CASP8: variants seen among roughly 807,000 people sequenced by gnomAD.
CASP8 encodes caspase-8.
In CASP8, 24 loss-of-function variants were observed where a neutral mutation model predicts 46.3. The observed-to-expected ratio is 0.52, with a 90% confidence interval of 0.38 to 0.73. The LOEUF (loss-of-function observed/expected upper bound fraction) is 0.73. Among genes scored for constraint, CASP8 ranks in the 30% least tolerant of loss-of-function variants. The pLI is 0.00. For missense variants in CASP8, 460 were observed against 559.0 expected (o/e 0.82, Z 1.79); for synonymous variants, 188 against 200.4 (o/e 0.94, Z 0.52).
intron 7 of CASP8, among the ~76,000 whole-genome samples, chr2:201,278,560 A>G (rs1222160244): frequency 1.4e-4 from 21 of 148,576 alleles, no homozygotes; most frequent in Admixed American, 1.1e-3. Flanking sequence ...TTTTTGAGGC[A>G]GAGTCTCACT....
Position 201,266,760 on chromosome 2 carries a change from A to C in CASP8, c.274A>C (p.Thr92Pro). Residue 92 changes from threonine (T) to proline (P), a missense_variant, in exon 2 of 9, where the codon ACA becomes CCA. Physicochemically the swap from Thr to Pro is conservative, Grantham distance 38. Transcript: ENST00000673742. The surrounding 1 kb of genome is among the most constrained non-coding windows in gnomAD (Gnocchi z 5.7). The stretch of plus-strand genomic sequence containing the variant: ...GGAGGAGATGGAAAGGGAACTTCAG[A>C]CACCAGGCAGGGCTCAAATTTCTGC... The part of the protein sequence containing the change: ...RKEEMERELQ[T>P]PGRAQISAYR... 2 of 1,613,434 alleles carry C rather than the reference A, an allele frequency of 1.2e-6. No homozygotes were observed. Among genetic ancestry groups the C allele is most frequent in the Non-Finnish European group, 1.7e-6 (2 of 1,179,504 alleles).
chr2:201,276,058 A>C (rs1948610950), intron 6 of CASP8, among the ~76,000 whole-genome samples: 1 of 152,226 alleles, frequency 6.6e-6, no homozygotes, highest in South Asian at 2.1e-4. Context: ...AAGTAGAGGC[A>C]GGAATTGGGC....
chr2:201,259,755 T>A (rs1407584400), upstream of CASP8, among the ~76,000 whole-genome samples: 5 of 152,136 alleles, frequency 3.3e-5, no homozygotes, highest in Non-Finnish European at 5.9e-5. Flanking sequence ...CAGGATTTGC[T>A]TCTTTGATAA....
At chr2:201,242,812 C>A (rs1394025537) in intron 2 of CASP8, 1 of 152,028 alleles carries the variant, frequency 6.6e-6, no homozygotes, top group Non-Finnish European at 1.5e-5. Context: ...GCACTATTTA[C>A]AGTAGCCAAG....
intron 7 of CASP8, 37 bp downstream of exon 7, chr2:201,277,005 C>T: frequency 6.8e-7 from 1 of 1,463,248 alleles, no homozygotes; most frequent in South Asian, 1.1e-5. Flanking sequence ...TAAAATATTT[C>T]TTATGCCTAT....
intron 1 of CASP8, chr2:201,233,707 GGCTGGGTGGA>G (rs1283740943): frequency 6.6e-6 from 1 of 152,238 alleles, no homozygotes; most frequent in Non-Finnish European, 1.5e-5. Flanking sequence ...AAAAGATGGA[GGCTGGGTGGA>G]GCAAAAGGAG....
chr2:201,282,972 G>C lies in CASP8; in HGVS notation c.803-1844G>C, dbSNP rs1462230434. On this transcript the variant is annotated intron_variant, in intron 7 of 8. Transcript: ENST00000673742. Reference sequence around the variant, plus strand: ...TGATCCCCCCACCTCCCTCCCGGACGGGGCGGCTGGCCGGGCGGGGGGCTG... The same window carrying C: ...TGATCCCCCCACCTCCCTCCCGGACCGGGCGGCTGGCCGGGCGGGGGGCTG... 4.5e-5 allele frequency among the ~76,000 whole-genome samples: 3 copies of C among 66,624 alleles called. No individual in the cohort carries two copies. The East Asian group carries it at 1.4e-3, about 31-fold the overall frequency. 43.7% of individuals were successfully genotyped at this position (66,624 alleles called of 152,430 possible).
At chr2:201,250,871 T>A (rs1946747841) in intron 2 of CASP8, among the ~76,000 whole-genome samples, 1 of 152,232 alleles carries the variant, frequency 6.6e-6, no homozygotes, top group African/African-American at 2.4e-5. Flanking sequence ...GTAGAACCGT[T>A]ACAATATTGT....
At chr2:201,259,952 C>T (rs1576274674), upstream of CASP8, among the ~76,000 whole-genome samples, 1 of 142,124 alleles carries the variant, frequency 7.0e-6, no homozygotes, top group South Asian at 2.4e-4. Flanking sequence ...AGAGGTTTTT[C>T]ATTTTAGAGT....
chr2:201,250,443 TG>T (rs1368700147), intron 2 of CASP8, among the ~76,000 whole-genome samples: 1 of 152,208 alleles, frequency 6.6e-6, no homozygotes, highest in African/African-American at 2.4e-5. Flanking sequence ...GCTTGGCTTC[TG>T]GGGAGGCCTC....
At chr2:201,233,464 T>C (rs1402888549) in exon 1 of CASP8, 2 of 152,342 alleles carry the variant, frequency 1.3e-5, no homozygotes, top group African/African-American at 4.8e-5. Flanking sequence ...TTTTGGTTTC[T>C]GTTTCACCTT....
chr2:201,257,132 C>T (rs1051873633), upstream of CASP8, among the ~76,000 whole-genome samples: 12 of 150,892 alleles, frequency 8.0e-5, no homozygotes, highest in African/African-American at 9.8e-5. Context: ...GCAACAAGAG[C>T]GAAACTCCGT....
intron 2 of CASP8, among the ~76,000 whole-genome samples, chr2:201,270,599 A>T (rs1489660594): frequency 6.6e-6 from 1 of 152,170 alleles, no homozygotes. Context: ...GCATGATCAC[A>T]GCTCACTGCA....
intron 7 of CASP8, among the ~76,000 whole-genome samples, chr2:201,282,728 G>A (rs1397280126): frequency 1.1e-5 from 1 of 87,458 alleles, no homozygotes; most frequent in African/African-American, 3.7e-5. Flanking sequence ...TGGGGCGGCT[G>A]GCCGGGCAGA....
intron 7 of CASP8, among the ~76,000 whole-genome samples, chr2:201,281,341 C>T (rs1027441295): frequency 6.6e-6 from 1 of 151,968 alleles, no homozygotes; most frequent in African/African-American, 2.4e-5. Flanking sequence ...AAAAATATTA[C>T]TATGGATTCA....
chr2:201,241,129 GAGA>G (rs1322890619), intron 2 of CASP8: 3 of 152,078 alleles, frequency 2.0e-5, no homozygotes, highest in African/African-American at 4.8e-5. Flanking sequence ...TCAAGGAGAG[GAGA>G]AGAAGATGAA....
At chr2:201,249,900 C>T (rs1946703942) in intron 2 of CASP8, among the ~76,000 whole-genome samples, 2 of 152,184 alleles carry the variant, frequency 1.3e-5, no homozygotes, top group Non-Finnish European at 1.5e-5. Flanking sequence ...TGTTTTCCTT[C>T]TACCCTTCTA....
At chr2:201,250,284 C>T (rs6435071) in intron 2 of CASP8, among the ~76,000 whole-genome samples, 13,586 of 152,252 alleles carry the variant, frequency 0.089, 1,137 homozygotes, top group African/African-American at 0.22. Context: ...TTGCAAATTC[C>T]TTCACCTTAA....
chr2:201,282,031 A>G lies in CASP8; in HGVS notation c.803-2785A>G, dbSNP rs1949073881. ...GGACAATAGTGGAGGGAAGGTCAGC[A>G]GATAAACAAGTGAACAAAGGTCTCT... On this transcript the variant is annotated intron_variant, in intron 7 of 8. Transcript: ENST00000673742. The G allele has an allele frequency of 6.8e-5, 7 of 102,270 alleles. No homozygotes were observed. The South Asian group carries it at 1.1e-3, about 16-fold the overall frequency. 6.3% of individuals were successfully genotyped at this position (102,270 alleles called of 1,614,324 possible).
Sources: allele counts gnomAD v4.1 joint callset (sites outside exome capture counted in the v4.1 genomes callset), GRCh38; gene constraint gnomAD v4.1.1; non-coding constraint Gnocchi (gnomAD v3.1); transcripts MANE v1.5; gene names NCBI Gene and HGNC (gene_info 2026-07-23, HGNC 2026-07-21).